Variants in FBN2 observed in about 807,000 individuals in gnomAD.
FBN2 encodes fibrillin 2, also known as fibrillin-2.
A neutral mutation model predicts 355.6 loss-of-function variants in FBN2; 105 were observed. The observed-to-expected ratio is 0.30, with a 90% CI of 0.25 to 0.35. The LOEUF is 0.35. Among genes scored for constraint, FBN2 ranks in the 10% least tolerant of loss-of-function variants. FBN2 has a pLI of 1.00. For synonymous variants in FBN2, 1,350 were observed against 1,301.2 expected (o/e 1.04, Z -0.81); for missense variants, 3,280 against 3,758.7 (o/e 0.87, Z 3.33).
chr5:128,335,329 A>G (rs1308111179), intron 29 of FBN2, 34 bp from the exon 30 acceptor site: 3 of 1,613,986 alleles, frequency 1.9e-6, no homozygotes, highest in Non-Finnish European at 2.5e-6. Flanking sequence ...AATGAAAATA[A>G]AAATGTCGTT....
At chr5:128,283,663 C>G (rs1749048843) in intron 55 of FBN2, among the ~76,000 whole-genome samples, 1 of 152,182 alleles carries the variant, frequency 6.6e-6, no homozygotes, top group Non-Finnish European at 1.5e-5. Flanking sequence ...CAAACACTAT[C>G]GATTTGCTAG....
intron 7 of FBN2, 134 bp downstream of exon 7, chr5:128,446,347 G>T: frequency 1.1e-6 from 1 of 945,124 alleles, no homozygotes; most frequent in South Asian, 1.3e-5. Context: ...AACTACTCTA[G>T]GCTTAAACCT....
Position 128,305,651 on chromosome 5 carries a change from A to G in FBN2, c.5549-15T>C, listed in dbSNP as rs768350066. On this transcript the variant is annotated splice_polypyrimidine_tract_variant and intron_variant, in intron 43 of 64. Coordinates refer to ENST00000262464, the MANE Select transcript of FBN2 (RefSeq NM_001999.4). ...CTCATCTATATCTGAAAGAGCAACA[A>G]TTCCATTTTAAAGAGTCCTTTTTAG... is the stretch of plus-strand genomic sequence containing the variant. 2 of 1,613,926 alleles carry G rather than the reference A, an allele frequency of 1.2e-6. No homozygotes were observed. Among genetic ancestry groups the G allele is most frequent in the Non-Finnish European group, 1.7e-6 (2 of 1,179,820 alleles).
chr5:128,366,336 T>C (rs1054948745), intron 17 of FBN2, 41 bp downstream of exon 17: 3 of 1,064,598 alleles, frequency 2.8e-6, no homozygotes, highest in African/African-American at 1.6e-5. Flanking sequence ...TATACGATTA[T>C]GTCACGTGAT....
chr5:128,332,438 A>G (rs1750718650), intron 32 of FBN2, among the ~76,000 whole-genome samples: 1 of 152,198 alleles, frequency 6.6e-6, no homozygotes, highest in Non-Finnish European at 1.5e-5. Context: ...TTTTTCTTCA[A>G]ATAAGACCTC....
intron 20 of FBN2, among the ~76,000 whole-genome samples, chr5:128,357,008 T>A (rs1481470064): frequency 6.6e-6 from 1 of 152,190 alleles, no homozygotes; most frequent in African/African-American, 2.4e-5. Flanking sequence ...TATACATATG[T>A]GTGTGGTATG....
Position 128,290,744 on chromosome 5 carries a change from T to G in FBN2, c.6433A>C (p.Lys2145Gln). 1.2e-6 allele frequency: 2 copies of G among 1,614,184 alleles called. No individual in the cohort carries two copies. Among genetic ancestry groups the G allele is most frequent in the Non-Finnish European group, 1.7e-6 (2 of 1,179,996 alleles). The change falls in exon 50 of 65, where the codon AAA becomes CAA. Residue 2145 changes from lysine (K) to glutamine (Q), a missense_variant. Lys to Gln is a moderately conservative substitution (Grantham distance 53). Around this residue, in one of 6 missense-constraint regions of FBN2, gnomAD observed 2,284 missense variants for 2,749.5 expected, o/e 0.83. Coordinates refer to ENST00000262464, the MANE Select transcript of FBN2 (RefSeq NM_001999.4). ...TCATTGCTCTTACCTTCATCGTCTT[T>G]GGGGCACAGCTCACAGGGGTCCCCC... ...GWGDPCELCP[K>Q]DDEVAFQDLC...
chr5:128,325,404 T>C (rs1009196849), intron 34 of FBN2, among the ~76,000 whole-genome samples: 1 of 152,254 alleles, frequency 6.6e-6, no homozygotes, highest in Non-Finnish European at 1.5e-5. Context: ...TTAAAGTCTG[T>C]CTTATCAGAG....
In FBN2 at chr5:128,504,868, G is replaced by A. The variant is rs192649062; in HGVS notation, c.628+14405C>T. Among the ~76,000 whole-genome samples the A allele has an allele frequency of 4.6e-5, 7 of 152,242 alleles. No homozygotes were observed. The East Asian group carries it at 1.4e-3, about 29-fold the overall frequency. On this transcript the variant is annotated intron_variant, in intron 5 of 64. Transcript: ENST00000262464. Reference sequence around the variant, plus strand: ...GGAGGAGCCCGGGGCAGAATGATATGGTTTGGCTGTGTCCCCACCCAAATC... The same window carrying A: ...GGAGGAGCCCGGGGCAGAATGATATAGTTTGGCTGTGTCCCCACCCAAATC...
intron 5 of FBN2, among the ~76,000 whole-genome samples, chr5:128,484,001 A>G (rs1244446831): frequency 6.6e-6 from 1 of 152,160 alleles, no homozygotes; most frequent in Non-Finnish European, 1.5e-5. Flanking sequence ...GGGCTGCCTA[A>G]TATACTTCCA....
intron 35 of FBN2, 78 bp from the exon 36 acceptor site, chr5:128,318,349 G>C: frequency 1.3e-6 from 2 of 1,493,696 alleles, no homozygotes; most frequent in Non-Finnish European, 1.9e-6. Context: ...GAATTTGGTG[G>C]AATTTTTGCA....
Position 128,537,516 on chromosome 5 carries a change from G to A in FBN2, c.88C>T (p.Pro30Ser). The A allele has an allele frequency of 1.9e-6, 3 of 1,576,824 alleles. No individual in the cohort carries two copies. The highest frequency in any genetic ancestry group is 2.6e-6 in the Non-Finnish European group (3 of 1,164,438). ...GGCGGCTTGGGCGGAGGAGGCTGAG[G>A]CTGGCCGGCCGTGCCCTGCGCCCAG... ...VLWAQGTAGQ[P>S]QPPPPKPPRP... The change falls in exon 1 of 65, where the codon CCT (proline) becomes TCT (serine). Residue 30 changes from proline (P) to serine (S), a missense_variant. By Grantham distance (74) the Pro-to-Ser change is moderately conservative. Coordinates refer to ENST00000262464, the MANE Select transcript of FBN2 (RefSeq NM_001999.4).
At chr5:128,330,218 A>G (rs1561773694) in intron 33 of FBN2, among the ~76,000 whole-genome samples, 1 of 152,250 alleles carries the variant, frequency 6.6e-6, no homozygotes, top group Non-Finnish European at 1.5e-5. Flanking sequence ...TAATTCACTT[A>G]CAGTTACAGG....
chr5:128,489,470 A>G (rs532189922), intron 5 of FBN2, among the ~76,000 whole-genome samples: 1 of 151,782 alleles, frequency 6.6e-6, no homozygotes, highest in Non-Finnish European at 1.5e-5. Context: ...ATATCTTTTC[A>G]CTTAAACATT....
chr5:128,422,724 A>G (rs139648098), intron 7 of FBN2, among the ~76,000 whole-genome samples: 1 of 152,302 alleles, frequency 6.6e-6, no homozygotes, highest in African/African-American at 2.4e-5. Flanking sequence ...TTCATGTCAG[A>G]TATCTTTTAC....
intron 20 of FBN2, 77 bp from the exon 21 acceptor site, chr5:128,351,082 T>G (rs187861179): frequency 1.9e-6 from 3 of 1,544,592 alleles, no homozygotes. Flanking sequence ...CAAAAGGCAT[T>G]TGTTACAGTA....
At chr5:128,284,272 T>C (rs1226261640) in intron 55 of FBN2, among the ~76,000 whole-genome samples, 2 of 152,206 alleles carry the variant, frequency 1.3e-5, no homozygotes, top group Admixed American at 1.3e-4. Flanking sequence ...TGTTTTTACA[T>C]GAGGAATCTG....
At chr5:128,347,776 A>T (rs1297979861) in intron 23 of FBN2, among the ~76,000 whole-genome samples, 1 of 110,148 alleles carries the variant, frequency 9.1e-6, no homozygotes, top group Non-Finnish European at 1.9e-5. Context: ...TTAGAATATT[A>T]AAAAATGCTT....
chr5:128,352,290 G>T (rs1442873067), intron 20 of FBN2, among the ~76,000 whole-genome samples: 1 of 150,430 alleles, frequency 6.6e-6, no homozygotes, highest in Non-Finnish European at 1.5e-5. Context: ...TGAAGAAATA[G>T]AGAAGTATGA....
Sources: allele counts gnomAD v4.1 joint callset (sites outside exome capture counted in the v4.1 genomes callset), GRCh38; gene constraint gnomAD v4.1.1; regional missense constraint gnomAD v4.1.1; transcripts MANE v1.5; gene names NCBI Gene and HGNC (gene_info 2026-07-23, HGNC 2026-07-21).